LYN: variants seen among roughly 807,000 people sequenced by gnomAD.
LYN encodes LYN proto-oncogene, Src family tyrosine kinase, also known as tyrosine-protein kinase Lyn.
Under a neutral mutation model 65.0 loss-of-function variants are expected in LYN, and 12 were observed. That is an observed-to-expected ratio of 0.18 (90% CI 0.12 to 0.30). LYN has a LOEUF of 0.30. Among genes scored for constraint, LYN ranks in the 10% least tolerant of loss-of-function variants. The pLI is 1.00. For missense variants in LYN, 380 were observed against 623.2 expected (o/e 0.61, Z 4.16); for synonymous variants, 222 against 221.2 (o/e 1.00, Z -0.03).
intron 10 of LYN, among the ~76,000 whole-genome samples, chr8:55,984,209 C>A (rs1164948854): frequency 6.6e-6 from 1 of 152,142 alleles, no homozygotes; most frequent in Non-Finnish European, 1.5e-5. Context: ...CCAAATAAGG[C>A]CACATTCTGA....
intron 1 of LYN, among the ~76,000 whole-genome samples, chr8:55,921,301 G>C (rs1173306330): frequency 6.6e-6 from 1 of 152,188 alleles, no homozygotes; most frequent in Non-Finnish European, 1.5e-5. Flanking sequence ...GTGGCCCACT[G>C]TGTATGTTTT....
chr8:56,008,124 A>AAAAAAAAAATAAAAAT (rs1221275260), intron 12 of LYN, among the ~76,000 whole-genome samples: 7 of 86,638 alleles, frequency 8.1e-5, no homozygotes, highest in African/African-American at 2.4e-4. Context: ...GCCTCAAAAA[A>AAAAAAAAAATAAAAAT]AAAATAAAAT....
intron 1 of LYN, among the ~76,000 whole-genome samples, chr8:55,936,887 C>T (rs969246179): frequency 6.6e-6 from 1 of 152,186 alleles, no homozygotes; most frequent in Non-Finnish European, 1.5e-5. Context: ...CCTTTGATTA[C>T]CTAGCACAGG....
At chr8:55,934,213 G>A (rs939621729) in intron 1 of LYN, among the ~76,000 whole-genome samples, 4 of 152,082 alleles carry the variant, frequency 2.6e-5, no homozygotes, top group Admixed American at 6.5e-5. Context: ...GCGACAGAGC[G>A]AGATCCGTCT....
chr8:56,006,464 C>G (rs959017511), intron 12 of LYN, among the ~76,000 whole-genome samples: 2 of 152,160 alleles, frequency 1.3e-5, no homozygotes, highest in Non-Finnish European at 2.9e-5. Context: ...TGTGCTCCTC[C>G]CTGTCACTAG....
At chr8:55,952,831 C>T (rs183551459) in intron 7 of LYN, among the ~76,000 whole-genome samples, 5 of 152,200 alleles carry the variant, frequency 3.3e-5, no homozygotes, top group Admixed American at 1.3e-4. Context: ...TAAAGTCAAA[C>T]GGATATAACA....
At chr8:55,940,124 A>C (rs941089158) in intron 1 of LYN, 1 of 152,138 alleles carries the variant, frequency 6.6e-6, no homozygotes, top group African/African-American at 2.4e-5. Flanking sequence ...TTCTTAGTAC[A>C]ATTCCTCCCC....
intron 12 of LYN, among the ~76,000 whole-genome samples, chr8:56,002,580 C>T (rs758763282): frequency 4.0e-5 from 6 of 149,260 alleles, no homozygotes; most frequent in Non-Finnish European, 7.4e-5. Flanking sequence ...CTAGCCTGAG[C>T]GACAGGAAGG....
chr8:55,910,905 T>C (rs1805580562), intron 1 of LYN, among the ~76,000 whole-genome samples: 1 of 147,702 alleles, frequency 6.8e-6, no homozygotes, highest in African/African-American at 2.5e-5. Context: ...TTTTGTTTTT[T>C]TTTTTTTTTG....
intron 9 of LYN, among the ~76,000 whole-genome samples, chr8:55,967,668 T>G (rs928927175): frequency 6.6e-6 from 1 of 152,178 alleles, no homozygotes. Context: ...TATCTAAGTG[T>G]TCAGGGTGTC....
chr8:55,968,653 G>T (rs1316302801), intron 9 of LYN, among the ~76,000 whole-genome samples: 1 of 152,200 alleles, frequency 6.6e-6, no homozygotes, highest in Non-Finnish European at 1.5e-5. Flanking sequence ...CAGCCTGAGG[G>T]CTAAGTACTA....
chr8:55,936,499 G>T (rs1227716853), intron 1 of LYN, among the ~76,000 whole-genome samples: 4 of 152,210 alleles, frequency 2.6e-5, no homozygotes, highest in African/African-American at 7.2e-5. Context: ...AGTTAGCCAG[G>T]TGTGGTGGTG....
chr8:55,963,162 AT>A (rs545923194), intron 8 of LYN, among the ~76,000 whole-genome samples: 93 of 152,360 alleles, frequency 6.1e-4, no homozygotes, highest in African/African-American at 1.8e-3. Flanking sequence ...GCTATGAACA[AT>A]GCGCTGCACA....
intron 8 of LYN, among the ~76,000 whole-genome samples, chr8:55,954,371 A>G (rs192345790): frequency 6.6e-6 from 1 of 152,318 alleles, no homozygotes; most frequent in East Asian, 1.9e-4. Flanking sequence ...GAAAGCCTCA[A>G]TGTATTACAA....
intron 1 of LYN, among the ~76,000 whole-genome samples, chr8:55,933,973 A>C (rs1806341381): frequency 6.6e-6 from 1 of 152,222 alleles, no homozygotes; most frequent in Non-Finnish European, 1.5e-5. Flanking sequence ...CACACCTGTA[A>C]TCCCAGCACT....
intron 10 of LYN, among the ~76,000 whole-genome samples, chr8:55,990,181 G>A (rs1435359630): frequency 6.9e-6 from 1 of 145,282 alleles, no homozygotes; most frequent in Non-Finnish European, 1.5e-5. Flanking sequence ...GGAGGTTGCA[G>A]TGAGCTGAGA....
intron 8 of LYN, among the ~76,000 whole-genome samples, chr8:55,963,605 A>T (rs548438709): frequency 6.6e-6 from 1 of 152,240 alleles, no homozygotes; most frequent in African/African-American, 2.4e-5. Flanking sequence ...GACTTTAAAA[A>T]TTTTTGCTGA....
intron 1 of LYN, among the ~76,000 whole-genome samples, chr8:55,906,821 A>G (rs781065555): frequency 6.6e-6 from 1 of 152,198 alleles, no homozygotes; most frequent in Non-Finnish European, 1.5e-5. Context: ...CTCCAGATGA[A>G]GGAAGAAGGA....
intron 1 of LYN, among the ~76,000 whole-genome samples, chr8:55,926,195 C>CA (rs1806106390): frequency 6.6e-6 from 1 of 152,216 alleles, no homozygotes; most frequent in Non-Finnish European, 1.5e-5. Flanking sequence ...ATTTACCCCC[C>CA]AGATCCAACC....
Sources: allele counts gnomAD v4.1 joint callset (sites outside exome capture counted in the v4.1 genomes callset), GRCh38; gene constraint gnomAD v4.1.1; transcripts MANE v1.5; gene names NCBI Gene and HGNC (gene_info 2026-07-23, HGNC 2026-07-21).